The following RAP1GAP variants were observed in gnomAD, a reference collection of about 807,000 sequenced individuals.
RAP1GAP encodes rap1 GTPase-activating protein 1.
A neutral mutation model predicts 87.2 loss-of-function variants in RAP1GAP; 35 were observed. That is an observed-to-expected ratio of 0.40 (90% CI 0.31 to 0.53). RAP1GAP has a LOEUF of 0.53. Ranked by LOEUF, RAP1GAP falls within the 20% of genes least tolerant of loss-of-function variation. The pLI is 0.48. For synonymous variants in RAP1GAP, 375 were observed against 363.9 expected, an observed-to-expected ratio of 1.03 and a Z score of -0.35; for missense variants, 734 against 898.9, an observed-to-expected ratio of 0.82 and a Z score of 2.35.
chr1:21,611,465 C>T lies in RAP1GAP; in HGVS notation c.830G>A (p.Gly277Glu), dbSNP rs1450794328. ...TGCCCAGGCTACCTGCTGGGCGTCC[C>T]CTTCCGTGTATGGCAGCTTGGTGGA... ...HVSTKLPYTE[G>E]DAQQLQRKRH... The change falls in exon 13 of 25, where the codon GGG (glycine) becomes GAG (glutamate). Residue 277 changes from glycine to glutamate, a missense_variant. Gly to Glu is a moderately conservative substitution (Grantham distance 98, BLOSUM62 -2). Transcript: ENST00000374765. 6.2e-7 allele frequency: 1 copy of T among 1,613,854 alleles called. No homozygotes were observed. Among genetic ancestry groups the T allele is most frequent in the East Asian group, 2.2e-5 (1 of 44,876 alleles).
In RAP1GAP at chr1:21,619,079, G is replaced by A; in HGVS notation, c.19-7C>T. ...GTTCATCCATCCTGCTTCCCTGTAA[G>A]AGAAGGCAGCACTGTTACACCCTCC... On this transcript the variant is annotated splice_polypyrimidine_tract_variant and splice_region_variant and intron_variant, in intron 4 of 24. Coordinates refer to ENST00000374765, the MANE Select transcript of RAP1GAP (RefSeq NM_002885.4). 13 of 1,595,822 alleles carry A rather than the reference G, an allele frequency of 8.1e-6. No homozygotes were observed. The highest frequency in any genetic ancestry group is 1.1e-5 in the South Asian group (1 of 88,226).
rs1474518478 is a variant in RAP1GAP, at chr1:21,603,090, C to G, written c.1429-177G>C. The G allele has an allele frequency of 1.7e-6, 1 of 584,534 alleles. No homozygotes were observed. The highest frequency in any genetic ancestry group is 2.9e-5 in the East Asian group (1 of 34,934). 36.2% of individuals were successfully genotyped at this position (584,534 alleles called of 1,614,324 possible). On this transcript the variant is annotated intron_variant, in intron 18 of 24. Transcript: ENST00000374765. The surrounding 1 kb of genome is among the most constrained non-coding windows in gnomAD (Gnocchi z 6.0). ...TCCCAGTTTACGAAAGGGAAACAGT[C>G]CCCAGGAGGGCAAGGGGCTCTCCCG...
At chr1:21,628,898 AAAG>A (rs1367451230) in intron 2 of RAP1GAP, among the ~76,000 whole-genome samples, 1 of 151,478 alleles carries the variant, frequency 6.6e-6, no homozygotes, top group Non-Finnish European at 1.5e-5. Context: ...AGAAAAAAAA[AAAG>A]GAGGGGGGAA....
chr1:21,661,423 G>A (rs2097151785), intron 1 of RAP1GAP, among the ~76,000 whole-genome samples: 1 of 152,118 alleles, frequency 6.6e-6, no homozygotes, highest in African/African-American at 2.4e-5. Context: ...ATGAATGATG[G>A]CCTACGTTGA....
intron 1 of RAP1GAP, chr1:21,651,841 CG>C: frequency 8.7e-7 from 1 of 1,147,192 alleles, no homozygotes; most frequent in Non-Finnish European, 1.1e-6. Flanking sequence ...CGCCGCCGCC[CG>C]GCCCGGCCCG....
intron 19 of RAP1GAP, 60 bp from the exon 20 acceptor site, chr1:21,601,857 G>A (rs541512095): frequency 8.7e-5 from 105 of 1,205,240 alleles, no homozygotes; most frequent in Non-Finnish European, 1.0e-4. Context: ...CAGGCGTAGC[G>A]TGAGGCCCAG....
chr1:21,597,454 T>C (rs1645705129), intron 24 of RAP1GAP, among the ~76,000 whole-genome samples, 190 bp from the exon 25 acceptor site: 1 of 152,190 alleles, frequency 6.6e-6, no homozygotes, highest in South Asian at 2.1e-4. Flanking sequence ...ACCTGGCAAC[T>C]GCCAAGTCCC....
rs1290576695 is a variant in RAP1GAP, at chr1:21,603,474, C to T, written c.1429-561G>A. ...GGTAGGACCCCAGGTCACTTCGTGG[C>T]GGGGAGGAGGAGTCAGGGCAGAGGA... On this transcript the variant is annotated intron_variant, in intron 18 of 24. Coordinates refer to ENST00000374765, the MANE Select transcript of RAP1GAP (RefSeq NM_002885.4). The surrounding 1 kb of genome is among the most constrained non-coding windows in gnomAD (Gnocchi z 6.0). 18 of 587,716 alleles carry T rather than the reference C, an allele frequency of 3.1e-5. No individual in the cohort carries two copies. The highest frequency in any genetic ancestry group is 4.1e-5 in the South Asian group (2 of 48,998). The allele number at this position is 587,716 out of a possible 1,614,324, so 36.4% of individuals were successfully genotyped here.
chr1:21,636,108 A>G (rs2094626225), intron 2 of RAP1GAP, among the ~76,000 whole-genome samples: 1 of 152,214 alleles, frequency 6.6e-6, no homozygotes, highest in Admixed American at 6.5e-5. Context: ...TAGGTATTAT[A>G]TGGACAACCT....
chr1:21,598,298 C>A lies in RAP1GAP; in HGVS notation c.1879+102G>T, dbSNP rs796912122. 429 of 1,116,982 alleles carry A rather than the reference C, an allele frequency of 3.8e-4. 3 individuals carry two copies. In the Middle Eastern group the frequency reaches 8.7e-3, roughly 23 times the overall value. 69.2% of individuals were successfully genotyped at this position (1,116,982 alleles called of 1,614,324 possible). A position where few individuals can be genotyped will look rare whatever the true frequency, so the allele number is the denominator to read the frequency against. ...CTGTCCTCCAAGTCAGGGGCAGTCA[C>A]ATCACATCCACTGCATGGGGCATGG... On this transcript the variant is annotated intron_variant, in intron 22 of 24. Transcript: ENST00000374765.
intron 17 of RAP1GAP, 77 bp downstream of exon 17, chr1:21,608,136 A>G (rs2075991215): frequency 1.3e-6 from 2 of 1,546,554 alleles, no homozygotes; most frequent in East Asian, 4.6e-5. Context: ...CGTGTCCATC[A>G]GTCTATCAGC....
intron 1 of RAP1GAP, among the ~76,000 whole-genome samples, chr1:21,663,599 C>G (rs1462091324): frequency 6.6e-6 from 1 of 152,182 alleles, no homozygotes; most frequent in Non-Finnish European, 1.5e-5. Flanking sequence ...ACCCCTCGAG[C>G]CCTGAATCAA....
chr1:21,636,699 C>T (rs994643267), intron 2 of RAP1GAP, among the ~76,000 whole-genome samples: 7 of 151,438 alleles, frequency 4.6e-5, no homozygotes, highest in Non-Finnish European at 7.4e-5. Context: ...CCCAGCTACC[C>T]GGGAGGCTGA....
rs762636558 is a variant in RAP1GAP at position 21,606,187 on chromosome 1, C to T, written c.1307G>A (p.Arg436Gln). 2.5e-6 allele frequency: 4 copies of T among 1,581,276 alleles called. No homozygotes were observed. Among genetic ancestry groups the T allele is most frequent in the South Asian group, 1.2e-5 (1 of 86,740 alleles). ...GGCATCCATGGACTGGCTGCGGCTC[C>T]GGATGACCCGCTGTGAAGGGGGTGG... The part of the protein sequence containing the change: ...GFFESFKRVI[R>Q]SRSQSMDAMG... Residue 436 changes from arginine (R) to glutamine (Q), a missense_variant, in exon 18 of 25, where the codon CGG becomes CAG. Transcript: ENST00000374765.
In RAP1GAP at chr1:21,612,930, G is replaced by GC. The variant is rs1348909967; in HGVS notation, c.528+245dup. On this transcript the variant is annotated intron_variant, in intron 10 of 24. Coordinates refer to ENST00000374765, the MANE Select transcript of RAP1GAP (RefSeq NM_002885.4). ...ACATCACAGAGGTTCCAGATGTGAG[G>GC]CCAGCCTCTAAGGCAGACAAACCGA... The GC allele has an allele frequency of 5.4e-6, 3 of 550,728 alleles. No individual in the cohort carries two copies. The African/African-American group carries it at 5.7e-5, about 10-fold the overall frequency. The allele number at this position is 550,728 out of a possible 1,614,324, so 34.1% of individuals were successfully genotyped here.
At chr1:21,660,973 G>C (rs2097134153) in intron 1 of RAP1GAP, among the ~76,000 whole-genome samples, 2 of 152,128 alleles carry the variant, frequency 1.3e-5, no homozygotes, top group African/African-American at 4.8e-5. Context: ...GATGGCTGGG[G>C]CGCGGTGGCT....
At chr1:21,621,545 T>C (rs757718233) in intron 3 of RAP1GAP, among the ~76,000 whole-genome samples, 1 of 152,202 alleles carries the variant, frequency 6.6e-6, no homozygotes, top group Non-Finnish European at 1.5e-5. Flanking sequence ...CCTTGACCCA[T>C]GGTCACCTAT....
At chr1:21,611,941 T>C (rs1454305741) in intron 11 of RAP1GAP, 85 bp downstream of exon 11, 1 of 1,482,008 alleles carries the variant, frequency 6.7e-7, no homozygotes. Flanking sequence ...CTGAGTCCCT[T>C]GGCCGGTGTG....
At chr1:21,651,948 G>C in intron 1 of RAP1GAP, 1 of 820,700 alleles carries the variant, frequency 1.2e-6, no homozygotes, top group Non-Finnish European at 1.5e-6. Flanking sequence ...CCGCGCCCCA[G>C]CGGGCCGCGG....
Sources: gnomAD v4.1 joint callset for allele counts (sites outside exome capture counted in the v4.1 genomes callset) on GRCh38, gnomAD v4.1.1 for gene constraint, Gnocchi (gnomAD v3.1) non-coding constraint, MANE v1.5 for transcripts, NCBI Gene and HGNC (gene_info 2026-07-23, HGNC 2026-07-21) for gene names.